SHROOM4: variants seen among roughly 807,000 people sequenced by gnomAD.
SHROOM4 encodes protein Shroom4.
In SHROOM4, 17 loss-of-function variants were observed where a neutral mutation model predicts 80.3. The ratio of observed to expected loss-of-function variants is 0.21; its 90% CI spans 0.14 to 0.32. The LOEUF is 0.32. Ranked by LOEUF, SHROOM4 falls within the 10% of genes least tolerant of loss-of-function variation. SHROOM4 has a pLI of 1.00. For synonymous variants in SHROOM4, 400 were observed against 437.5 expected, an observed-to-expected ratio of 0.91 and a Z score of 1.07; for missense variants, 993 against 1,140.3, an observed-to-expected ratio of 0.87 and a Z score of 1.86.
intron 2 of SHROOM4, among the ~76,000 whole-genome samples, chrX:50,645,517 G>A (rs781857428): frequency 9.0e-6 from 1 of 111,655 alleles, no homozygotes; most frequent in Admixed American, 9.6e-5. Context: ...CATGTTCATG[G>A]AGCTGGCTGA....
intron 1 of SHROOM4, among the ~76,000 whole-genome samples, chrX:50,786,912 A>G (rs1391079166): frequency 3.6e-5 from 4 of 111,610 alleles, no homozygotes; most frequent in African/African-American, 1.3e-4. Context: ...AAAGAGATAT[A>G]AAATATATAT....
intron 1 of SHROOM4, among the ~76,000 whole-genome samples, chrX:50,743,809 T>C (rs1557267438): frequency 8.9e-6 from 1 of 112,101 alleles, no homozygotes; most frequent in Non-Finnish European, 1.9e-5. Context: ...TAGCAACACA[T>C]TCTCCTAATC....
At chrX:50,602,604 A>C in intron 7 of SHROOM4, 29 bp downstream of exon 7, 1 of 1,203,879 alleles carries the variant, frequency 8.3e-7, no homozygotes, top group Non-Finnish European at 1.1e-6. Context: ...AAATTCTGAA[A>C]ATCTCTAGGA....
intron 1 of SHROOM4, 37 bp downstream of exon 1, chrX:50,813,865 G>T: frequency 9.5e-7 from 1 of 1,053,844 alleles, no homozygotes; most frequent in Non-Finnish European, 1.3e-6. Context: ...TCCATTCAAA[G>T]TTAGGCGCCG....
At chrX:50,637,273 C>T (rs1471727368) in intron 3 of SHROOM4, among the ~76,000 whole-genome samples, 2 of 111,992 alleles carry the variant, frequency 1.8e-5, no homozygotes, top group Non-Finnish European at 3.8e-5. Context: ...GTGGCAGCAG[C>T]CCATGAGACC....
At chrX:50,602,280 C>T (rs1004736703) in intron 7 of SHROOM4, among the ~76,000 whole-genome samples, 2 of 110,140 alleles carry the variant, frequency 1.8e-5, no homozygotes, top group African/African-American at 3.3e-5. Context: ...TTAGTAGAGA[C>T]GGGGTTTCAC....
In SHROOM4 at chrX:50,596,738, T is replaced by C. The variant is rs1929131698; in HGVS notation, c.4439A>G (p.Lys1480Arg). 2 of 1,211,780 alleles carry C rather than the reference T, an allele frequency of 1.7e-6. No homozygotes were observed. Among genetic ancestry groups the C allele is most frequent in the Middle Eastern group, 2.3e-4 (1 of 4,353 alleles). Residue 1480 changes from lysine to arginine, a missense_variant, in exon 9 of 9, where the codon AAA (lysine) becomes AGA (arginine). Lys to Arg is a conservative substitution (Grantham distance 26). Transcript: ENST00000376020. ...EKIKLGEEQLKCLRESLLLGP... is the reference protein window; with the variant it reads ...EKIKLGEEQLRCLRESLLLGP... The stretch of plus-strand genomic sequence containing the variant: ...CAGGAGTAGACTCTCCCTGAGACAT[T>C]TGAGTTGCTCTTCCCCGAGCTTGAT...
chrX:50,811,421 A>T (rs1334689397), intron 1 of SHROOM4, among the ~76,000 whole-genome samples: 1 of 111,027 alleles, frequency 9.0e-6, no homozygotes, highest in Non-Finnish European at 1.9e-5. Flanking sequence ...GGCAAGTGAT[A>T]TACCTAGGAT....
chrX:50,746,394 G>A (rs1422206657), intron 1 of SHROOM4, among the ~76,000 whole-genome samples: 1 of 111,577 alleles, frequency 9.0e-6, no homozygotes, highest in Non-Finnish European at 1.9e-5. Flanking sequence ...TTTCTTATGA[G>A]CAGAACATTT....
chrX:50,701,060 C>G (rs1192870394), intron 1 of SHROOM4, among the ~76,000 whole-genome samples: 1 of 111,863 alleles, frequency 8.9e-6, no homozygotes, highest in African/African-American at 3.3e-5. Context: ...TGCGCTGTGC[C>G]CCACAGCATG....
the SHROOM4 span, among the ~76,000 whole-genome samples, chrX:50,578,709 G>C: frequency 8.9e-6 from 1 of 111,994 alleles, no homozygotes; most frequent in African/African-American, 3.2e-5. Flanking sequence ...CAAAGTGCTG[G>C]AATTACAGGC....
intron 1 of SHROOM4, among the ~76,000 whole-genome samples, chrX:50,781,565 TG>T (rs1214369577): frequency 9.4e-6 from 1 of 105,999 alleles, no homozygotes; most frequent in Non-Finnish European, 1.9e-5. Context: ...GGATGGGGAG[TG>T]GGGGGGATGC....
At chrX:50,660,527 TCCCTCCCTCC>T (rs1932461114) in intron 2 of SHROOM4, among the ~76,000 whole-genome samples, 1 of 33,549 alleles carries the variant, frequency 3.0e-5, no homozygotes, top group African/African-American at 1.4e-4. Context: ...TCTCTCTCTC[TCCCTCCCTCC>T]CTCCCTCCCT....
rs1448120214 is a variant in SHROOM4, at chrX:50,588,979, G to C, written c.*7716C>G. Among the ~76,000 whole-genome samples the C allele has an allele frequency of 9.0e-6, 1 of 111,696 alleles. No homozygotes were observed. Among genetic ancestry groups the C allele is most frequent in the Non-Finnish European group, 1.9e-5 (1 of 53,110 alleles). The stretch of plus-strand genomic sequence containing the variant: ...TGGTTTATTTGCCCAATGAGCCGAA[G>C]CTCTTATCCATTCTACCACAATATT... On this transcript the variant is annotated 3_prime_UTR_variant, in exon 9 of 9. Transcript: ENST00000376020.
chrX:50,718,043 A>G (rs914427650), intron 1 of SHROOM4, among the ~76,000 whole-genome samples: 1 of 111,476 alleles, frequency 9.0e-6, no homozygotes, highest in Non-Finnish European at 1.9e-5. Flanking sequence ...TACAAACAGA[A>G]TGGCTCCATC....
intron 2 of SHROOM4, among the ~76,000 whole-genome samples, chrX:50,654,017 A>C (rs1187426720): frequency 8.9e-6 from 1 of 112,006 alleles, no homozygotes; most frequent in African/African-American, 3.2e-5. Context: ...AGTGACTTCT[A>C]AATACGGGCT....
chrX:50,728,130 T>C (rs1602467323), intron 1 of SHROOM4, among the ~76,000 whole-genome samples: 5 of 110,773 alleles, frequency 4.5e-5, no homozygotes. Flanking sequence ...GAGGCTGAGG[T>C]GGGCGGTTCA....
intron 1 of SHROOM4, among the ~76,000 whole-genome samples, chrX:50,750,986 A>T (rs1260216732): frequency 8.9e-6 from 1 of 112,548 alleles, no homozygotes; most frequent in South Asian, 3.7e-4. Context: ...TGTCTTGCTC[A>T]GTAAAAATGG....
At chrX:50,704,046 G>A (rs1933589734) in intron 1 of SHROOM4, among the ~76,000 whole-genome samples, 2 of 111,517 alleles carry the variant, frequency 1.8e-5, no homozygotes, top group Admixed American at 1.9e-4. Flanking sequence ...GCAGTTGTCA[G>A]CAACAGAGTT....
Sources: gnomAD v4.1 joint callset for allele counts (sites outside exome capture counted in the v4.1 genomes callset) on GRCh38, gnomAD v4.1.1 for gene constraint, MANE v1.5 for transcripts, NCBI Gene and HGNC (gene_info 2026-07-23, HGNC 2026-07-21) for gene names.